The following NPR1 variants were observed in gnomAD, a reference collection of about 807,000 sequenced individuals.
NPR1 encodes the protein atrial natriuretic peptide receptor 1.
Under a neutral mutation model 116.9 loss-of-function variants are expected in NPR1, and 57 were observed. The observed-to-expected ratio is 0.49, with a 90% CI of 0.39 to 0.61. The LOEUF (loss-of-function observed/expected upper bound fraction) is 0.61, where lower values mean the gene tolerates loss of function less well. NPR1 is among the 20% of genes least tolerant of loss of function. The pLI, the probability that NPR1 is intolerant of heterozygous loss-of-function variation, is 0.00. For missense variants in NPR1, 1,096 were observed against 1,409.8 expected, an observed-to-expected ratio of 0.78 and a Z score of 3.56; for synonymous variants, 555 against 601.6, an observed-to-expected ratio of 0.92 and a Z score of 1.13.
chr1:153,679,875 C>T lies in NPR1; in HGVS notation c.721+46C>T. On this transcript the variant is annotated intron_variant, in intron 1 of 21. Coordinates refer to ENST00000368680, the MANE Select transcript of NPR1 (RefSeq NM_000906.4). The surrounding 1 kb of genome is among the most constrained non-coding windows in gnomAD (Gnocchi z 4.2). The stretch of plus-strand genomic sequence containing the variant: ...GTCCCGCCGCTTAGCCGCAGGGCCT[C>T]CCCTCTGACCTGCCGGAGGCATCGG... The T allele has an allele frequency of 6.6e-7, 1 of 1,517,604 alleles. No homozygotes were observed. 94.0% of individuals were successfully genotyped at this position (1,517,604 alleles called of 1,614,324 possible).
Position 153,688,234 on chromosome 1 carries a change from T to C in NPR1, c.2417+13T>C. The C allele has an allele frequency of 6.2e-7, 1 of 1,611,178 alleles. No individual in the cohort carries two copies. ...GCAAATTTAACAGGTCCCTGGTGTT[T>C]GTCATGGATCCCCCAGGCCCTTCCT... On this transcript the variant is annotated intron_variant, in intron 15 of 21. Transcript: ENST00000368680.
chr1:153,689,400 C>CCCCA lies in NPR1; in HGVS notation c.2689-52_2689-49dup, dbSNP rs1002600791. On this transcript the variant is annotated intron_variant, in intron 17 of 21. Transcript: ENST00000368680. The surrounding 1 kb of genome is among the most constrained non-coding windows in gnomAD (Gnocchi z 5.1). Reference sequence around the variant, plus strand: ...TTCTGGTTCTGCTTTACCCACCTGACCCCAGGTGGGGTCCCCTACTTCCTG... The same window carrying CCCCA: ...TTCTGGTTCTGCTTTACCCACCTGACCCCACCCAGGTGGGGTCCCCTACTTCCTG... 4.3e-6 allele frequency: 7 copies of CCCCA among 1,609,840 alleles called. No homozygotes were observed. In the Admixed American group the frequency reaches 6.7e-5, roughly 15 times the overall value.
At position 153,681,271 on chromosome 1, in the gene NPR1, A is replaced by G. The variant is rs1164012714; in HGVS notation, c.1013A>G (p.Asn338Ser). 6 of 1,611,066 alleles carry G rather than the reference A, an allele frequency of 3.7e-6. No individual in the cohort carries two copies. The highest frequency in any genetic ancestry group is 5.1e-6 in the Non-Finnish European group (6 of 1,177,436). The change falls in exon 3 of 22, where the codon AAC becomes AGC. Residue 338 changes from asparagine to serine, a missense_variant. Coordinates refer to ENST00000368680, the MANE Select transcript of NPR1 (RefSeq NM_000906.4). ...AAACACCTGGCCTATGAGCAGTTCA[A>G]CTTCACCATGGAGGATGGCCTGGTA... ...QLKHLAYEQF[N>S]FTMEDGLVNT...
Position 153,686,753 on chromosome 1 carries a change from G to A in NPR1, c.1863+3G>A. The A allele has an allele frequency of 6.2e-7, 1 of 1,612,702 alleles. No individual in the cohort carries two copies. The highest frequency in any genetic ancestry group is 8.5e-7 in the Non-Finnish European group (1 of 1,178,920). On this transcript the variant is annotated splice_donor_region_variant and intron_variant, in intron 11 of 21. Transcript: ENST00000368680. Reference sequence around the variant, plus strand: ...ACTGTCCCCGTGGGAGCCTGCAGGTGAGGGGGACAAGGGGTGTCAAGAAAC... The same window carrying A: ...ACTGTCCCCGTGGGAGCCTGCAGGTAAGGGGGACAAGGGGTGTCAAGAAAC...
rs1207585480 is a variant in NPR1 at position 153,690,400 on chromosome 1, A to T, written c.3031+18A>T. ...TGGGGAAGGTACAGTGCCCCCTCCTAGAGGGAATGGGGAGGGCAGGGTGGC... is the reference window on the plus strand; with the variant it reads ...TGGGGAAGGTACAGTGCCCCCTCCTTGAGGGAATGGGGAGGGCAGGGTGGC... On this transcript the variant is annotated intron_variant, in intron 20 of 21. Coordinates refer to ENST00000368680, the MANE Select transcript of NPR1 (RefSeq NM_000906.4). 13 of 1,532,278 alleles carry T rather than the reference A, an allele frequency of 8.5e-6. No homozygotes were observed. The highest frequency in any genetic ancestry group is 1.2e-5 in the Non-Finnish European group (13 of 1,129,002). The allele number at this position is 1,532,278 out of a possible 1,614,324, so 94.9% of individuals were successfully genotyped here.
In NPR1 at chr1:153,689,679, A is replaced by G. The variant is rs775332681; in HGVS notation, c.2758-127A>G. 13 of 1,241,372 alleles carry G rather than the reference A, an allele frequency of 1.0e-5. No individual in the cohort carries two copies. The African/African-American group carries it at 1.9e-4, about 18-fold the overall frequency. The allele number at this position is 1,241,372 out of a possible 1,614,324, so 76.9% of individuals were successfully genotyped here. A position where few individuals can be genotyped will look rare whatever the true frequency, so the allele number is the denominator to read the frequency against. On this transcript the variant is annotated intron_variant, in intron 18 of 21. Transcript: ENST00000368680. The surrounding 1 kb of genome is among the most constrained non-coding windows in gnomAD (Gnocchi z 5.1). ...AGACCCGGGAACAGGCAGAGAACCC[A>G]TGTGGGATGGGGGATGAGCAAAGAC...
intron 14 of NPR1, 126 bp downstream of exon 14, chr1:153,687,915 C>A: frequency 8.7e-7 from 1 of 1,145,738 alleles, no homozygotes; most frequent in Non-Finnish European, 1.3e-6. Flanking sequence ...CACCCTTTGA[C>A]CCATTGCTGC....
In NPR1 at chr1:153,678,863, C is replaced by A. The variant is rs145025672; in HGVS notation, c.-246C>A. 490 of 488,672 alleles carry A rather than the reference C, an allele frequency of 1.0e-3. 1 individual carries two copies. The highest frequency in any genetic ancestry group is 1.4e-3 in the Non-Finnish European group (408 of 282,626). 30.3% of individuals were successfully genotyped at this position (488,672 alleles called of 1,614,324 possible). On this transcript the variant is annotated 5_prime_UTR_variant, in exon 1 of 22. Coordinates refer to ENST00000368680, the MANE Select transcript of NPR1 (RefSeq NM_000906.4). The surrounding 1 kb of genome is among the most constrained non-coding windows in gnomAD (Gnocchi z 5.8). Reference sequence around the variant, plus strand: ...TTGTTCACACTCGGGTCCTCTCCAGCCCGACGTTCTCCTGGCACCCACCTG... The same window carrying A: ...TTGTTCACACTCGGGTCCTCTCCAGACCGACGTTCTCCTGGCACCCACCTG...
At chr1:153,686,023 G>C (rs2101734373) in intron 9 of NPR1, 100 bp from the exon 10 acceptor site, 1 of 1,424,206 alleles carries the variant, frequency 7.0e-7, no homozygotes, top group East Asian at 2.3e-5. Flanking sequence ...TTGGGAACAA[G>C]TGAGGGTCCT....
rs1225677475 is a variant in NPR1, at chr1:153,685,877, T to C, written c.1677T>C (p.Tyr559=). The C allele has an allele frequency of 1.2e-6, 2 of 1,613,558 alleles. No individual in the cohort carries two copies. Among genetic ancestry groups the C allele is most frequent in the South Asian group, 1.1e-5 (1 of 91,062 alleles). ...AAGTCTTTGCCAAGACAGCATATTA[T>C]AAGGTGGGCCTGGGGAAAGATCACT... ...QFQVFAKTAY[Y]KGNLVAVKRV... Residue 559 remains tyrosine, a synonymous_variant, in exon 9 of 22, where the codon TAT becomes TAC. Coordinates refer to ENST00000368680, the MANE Select transcript of NPR1 (RefSeq NM_000906.4).
chr1:153,680,755 G>A, intron 2 of NPR1, 55 bp downstream of exon 2: 1 of 1,420,848 alleles, frequency 7.0e-7, no homozygotes. Context: ...CATCATTTCT[G>A]GGCACTGTGT....
intron 14 of NPR1, 114 bp from the exon 15 acceptor site, chr1:153,687,939 C>T (rs1370983317): frequency 1.8e-6 from 2 of 1,084,536 alleles, no homozygotes; most frequent in African/African-American, 3.2e-5. Flanking sequence ...TGACCAGTCC[C>T]CCGCCCCCAT....
chr1:153,689,949 G>C lies in NPR1; in HGVS notation c.2901G>C (p.Glu967Asp). The change falls in exon 19 of 22, where the codon GAG (glutamate) becomes GAC (aspartate). Residue 967 changes from glutamate (E) to aspartate (D), a missense_variant. Coordinates refer to ENST00000368680, the MANE Select transcript of NPR1 (RefSeq NM_000906.4). The surrounding 1 kb of genome is among the most constrained non-coding windows in gnomAD (Gnocchi z 5.1). ...RSFRIRHRPQ[E>D]QLRLRIGIHT... The stretch of plus-strand genomic sequence containing the variant: ...TCCGAATCCGCCACCGGCCCCAGGA[G>C]CAGCTGCGCTTGCGCATTGGCATCC... The C allele has an allele frequency of 6.5e-7, 1 of 1,544,188 alleles. No individual in the cohort carries two copies. The highest frequency in any genetic ancestry group is 8.8e-7 in the Non-Finnish European group (1 of 1,141,766).
At position 153,678,838 on chromosome 1, in the gene NPR1, T is replaced by G; in HGVS notation, c.-271T>G. ...CTCTAACACGCACGCACACTCCCAG[T>G]TGTTCACACTCGGGTCCTCTCCAGC... On this transcript the variant is annotated 5_prime_UTR_variant, in exon 1 of 22. Coordinates refer to ENST00000368680, the MANE Select transcript of NPR1 (RefSeq NM_000906.4). The surrounding 1 kb of genome is among the most constrained non-coding windows in gnomAD (Gnocchi z 5.8). The G allele has an allele frequency of 4.3e-6, 2 of 462,758 alleles. No homozygotes were observed. The highest frequency in any genetic ancestry group is 7.5e-6 in the Non-Finnish European group (2 of 264,954). 28.7% of individuals were successfully genotyped at this position (462,758 alleles called of 1,614,324 possible).
rs1399527241 is a variant in NPR1 at position 153,686,676 on chromosome 1, A to G, written c.1789A>G (p.Arg597Gly). Residue 597 changes from arginine (R) to glycine (G), a missense_variant, in exon 11 of 22, where the codon AGG becomes GGG. By Grantham distance (125) the Arg-to-Gly change is moderately radical. Transcript: ENST00000368680. ...GGATGTGCAGAATGAACACCTGACC[A>G]GGTTTGTGGGAGCCTGCACCGACCC... ...MRDVQNEHLT[R>G]FVGACTDPPN... 3 of 1,613,812 alleles carry G rather than the reference A, an allele frequency of 1.9e-6. No individual in the cohort carries two copies. The highest frequency in any genetic ancestry group is 2.5e-6 in the Non-Finnish European group (3 of 1,179,926).
chr1:153,688,084 G>A lies in NPR1; in HGVS notation c.2280G>A (p.Gln760=), dbSNP rs1279387101. 2 of 1,612,034 alleles carry A rather than the reference G, an allele frequency of 1.2e-6. No individual in the cohort carries two copies. Among genetic ancestry groups the A allele is most frequent in the Non-Finnish European group, 1.7e-6 (2 of 1,178,980 alleles). Residue 760 remains glutamine (Q), a synonymous_variant, in exon 15 of 22, where the codon CAG becomes CAA. Transcript: ENST00000368680. ...TCGAGCGGGTGACTCGGGGTGAGCA[G>A]CCCCCCTTCCGGCCCTCCCTGGCCC... The part of the protein sequence containing the change: ...EIIERVTRGE[Q]PPFRPSLALQ...
chr1:153,686,690 C>T lies in NPR1; in HGVS notation c.1803C>T (p.Ala601=), dbSNP rs1669937599. The T allele has an allele frequency of 6.2e-7, 1 of 1,613,850 alleles. No homozygotes were observed. The highest frequency in any genetic ancestry group is 8.5e-7 in the Non-Finnish European group (1 of 1,179,918). The change falls in exon 11 of 22, where the codon GCC becomes GCT. Residue 601 remains alanine (A), a synonymous_variant. Transcript: ENST00000368680. The stretch of plus-strand genomic sequence containing the variant: ...AACACCTGACCAGGTTTGTGGGAGC[C>T]TGCACCGACCCCCCCAATATCTGCA... ...QNEHLTRFVG[A]CTDPPNICIL... is the part of the protein sequence containing the mutation.
At position 153,693,688 on chromosome 1, in the gene NPR1, G is replaced by T; in HGVS notation, c.*274G>T. 2 of 417,084 alleles carry T rather than the reference G, an allele frequency of 4.8e-6. No individual in the cohort carries two copies. The allele number at this position is 417,084 out of a possible 1,614,324, so 25.8% of individuals were successfully genotyped here. ...GCACCTGCTCTCCACCTGGACTCAG[G>T]CCGGGCTGGGCTGTGGATTCCTGAT... On this transcript the variant is annotated 3_prime_UTR_variant, in exon 22 of 22. Coordinates refer to ENST00000368680, the MANE Select transcript of NPR1 (RefSeq NM_000906.4).
intron 19 of NPR1, 115 bp from the exon 20 acceptor site, chr1:153,690,169 A>G: frequency 2.4e-6 from 2 of 831,308 alleles, no homozygotes; most frequent in Non-Finnish European, 3.8e-6. Context: ...ACACACACAG[A>G]GCTGGGACCT....
Sources: gnomAD v4.1 joint callset for allele counts on GRCh38, gnomAD v4.1.1 for gene constraint, Gnocchi (gnomAD v3.1) non-coding constraint, MANE v1.5 for transcripts, NCBI Gene and HGNC (gene_info 2026-07-23, HGNC 2026-07-21) for gene names.